Variants in ARAP2 observed in about 807,000 individuals in gnomAD.
ARAP2 encodes arf-GAP with Rho-GAP domain, ANK repeat and PH domain-containing protein 2.
Under a neutral mutation model 194.5 loss-of-function variants are expected in ARAP2, and 148 were observed. The ratio of observed to expected loss-of-function variants is 0.76; its 90% CI spans 0.67 to 0.87. The LOEUF (loss-of-function observed/expected upper bound fraction) is 0.87, where lower values mean the gene tolerates loss of function less well. ARAP2 is among the 40% of genes least tolerant of loss of function. The pLI is 0.00. For missense variants in ARAP2, 2,128 were observed against 1,989.7 expected (o/e 1.07, Z -1.32); for synonymous variants, 695 against 683.5 (o/e 1.02, Z -0.26).
Position 36,123,305 on chromosome 4 carries a change from A to G in ARAP2, c.3746+1557T>C, listed in dbSNP as rs73806475. 5.3e-3 allele frequency among the ~76,000 whole-genome samples: 807 copies of G among 151,742 alleles called. 11 individuals carry two copies. The highest frequency in any genetic ancestry group is 0.018 in the African/African-American group (761 of 41,450). ...AGAGGATATTACTGATGGAGGAAAT[A>G]CTCTTTTAGCTAGGGTAGGGATTGA... is the stretch of plus-strand genomic sequence containing the variant. On this transcript the variant is annotated intron_variant, in intron 22 of 32. Transcript: ENST00000303965.
chr4:36,154,550 T>C (rs1255273041), intron 15 of ARAP2, among the ~76,000 whole-genome samples: 1 of 152,136 alleles, frequency 6.6e-6, no homozygotes, highest in Non-Finnish European at 1.5e-5. Context: ...AGGATGCTAT[T>C]ATTCAACTGT....
intron 28 of ARAP2, among the ~76,000 whole-genome samples, chr4:36,090,138 T>A (rs977743018): frequency 6.6e-6 from 1 of 152,012 alleles, no homozygotes; most frequent in African/African-American, 2.4e-5. Context: ...CCTCTATGCA[T>A]ATAAACTAGA....
intron 13 of ARAP2, chr4:36,160,013 G>A (rs749028799): frequency 4.0e-5 from 35 of 881,730 alleles, no homozygotes; most frequent in Admixed American, 1.9e-4. Flanking sequence ...GAAGGAGGAA[G>A]AACAGTGAGA....
intron 6 of ARAP2, among the ~76,000 whole-genome samples, chr4:36,017,154 A>C (rs946690197): frequency 4.0e-5 from 6 of 151,538 alleles, no homozygotes; most frequent in African/African-American, 9.7e-5. Flanking sequence ...CTCATATTCA[A>C]ATATATATAT....
intron 32 of ARAP2, 73 bp downstream of exon 32, chr4:36,073,616 T>C (rs2109318464): frequency 1.3e-6 from 2 of 1,500,054 alleles, no homozygotes; most frequent in South Asian, 1.3e-5. Context: ...AAGTAATTAA[T>C]GACCTAATCA....
Position 36,123,414 on chromosome 4 carries a change from C to A in ARAP2, c.3746+1448G>T, listed in dbSNP as rs368655869. On this transcript the variant is annotated intron_variant, in intron 22 of 32. Coordinates refer to ENST00000303965, the MANE Select transcript of ARAP2 (RefSeq NM_015230.4). The stretch of plus-strand genomic sequence containing the variant: ...TATCTTTAAGGACATTCCTGCATTT[C>A]TTGGGACTTCCTTCTGCAGTATCAT... Among the ~76,000 whole-genome samples the A allele has an allele frequency of 2.2e-4, 33 of 151,900 alleles. 1 individual carries two copies. The East Asian group carries it at 5.3e-3, about 24-fold the overall frequency.
chr4:36,190,043 T>C (rs2109903397), intron 7 of ARAP2, among the ~76,000 whole-genome samples: 1 of 152,322 alleles, frequency 6.6e-6, no homozygotes, highest in East Asian at 1.9e-4. Context: ...TACTGTCACA[T>C]TGGTTTTCTT....
At chr4:36,095,423 T>C (rs2109403178) in intron 27 of ARAP2, among the ~76,000 whole-genome samples, 1 of 152,290 alleles carries the variant, frequency 6.6e-6, no homozygotes, top group Middle Eastern at 3.4e-3. Context: ...AGAATTATAA[T>C]GACCTGCCCA....
At chr4:36,152,310 T>C (rs1295653450) in intron 15 of ARAP2, among the ~76,000 whole-genome samples, 3 of 152,136 alleles carry the variant, frequency 2.0e-5, no homozygotes, top group Non-Finnish European at 4.4e-5. Flanking sequence ...TGAGTCACAG[T>C]GTATGTCCTG....
At position 36,194,119 on chromosome 4, in the gene ARAP2, T is replaced by C. The variant is rs546540324; in HGVS notation, c.1488-472A>G. On this transcript the variant is annotated intron_variant, in intron 6 of 32. Coordinates refer to ENST00000303965, the MANE Select transcript of ARAP2 (RefSeq NM_015230.4). ...CATGGAAAACATATTGAATTTTGATTAAGCTGAAAAAGACCTGAACAAATA... is the reference window on the plus strand; with the variant it reads ...CATGGAAAACATATTGAATTTTGATCAAGCTGAAAAAGACCTGAACAAATA... Among the ~76,000 whole-genome samples the C allele has an allele frequency of 1.8e-4, 27 of 152,324 alleles. 1 individual carries two copies. Among genetic ancestry groups the C allele is most frequent in the African/African-American group, 6.5e-4 (27 of 41,580 alleles).
At position 36,133,530 on chromosome 4, in the gene ARAP2, A is replaced by T; in HGVS notation, c.3264-141T>A. ...CTCATCCACCACGAGCTTCCACTCA[A>T]TCCCTCTTTTGCCTGCATAGTCACA... On this transcript the variant is annotated intron_variant, in intron 19 of 32. Coordinates refer to ENST00000303965, the MANE Select transcript of ARAP2 (RefSeq NM_015230.4). 1.2e-5 allele frequency: 9 copies of T among 726,230 alleles called. No homozygotes were observed. The South Asian group carries it at 1.7e-4, about 14-fold the overall frequency. The allele number at this position is 726,230 out of a possible 1,614,324, so 45.0% of individuals were successfully genotyped here. A position where few individuals can be genotyped will look rare whatever the true frequency, so the allele number is the denominator to read the frequency against.
intron 9 of ARAP2, among the ~76,000 whole-genome samples, chr4:36,173,314 A>G (rs1737067215): frequency 6.6e-6 from 1 of 152,198 alleles, no homozygotes; most frequent in African/African-American, 2.4e-5. Context: ...AAGAATTCAT[A>G]TATTTAAATA....
chr4:36,069,537 A>C (rs1276161276), intron 32 of ARAP2, among the ~76,000 whole-genome samples: 1 of 152,132 alleles, frequency 6.6e-6, no homozygotes, highest in Non-Finnish European at 1.5e-5. Context: ...TTATAAACAA[A>C]CTTTAATCTT....
chr4:36,018,026 T>G (rs1716188961), intron 6 of ARAP2, among the ~76,000 whole-genome samples: 2 of 152,212 alleles, frequency 1.3e-5, no homozygotes, highest in African/African-American at 4.8e-5. Context: ...ATGTATTTAC[T>G]GTACTTTTAT....
intron 32 of ARAP2, among the ~76,000 whole-genome samples, chr4:36,068,810 T>A (rs1577724392): frequency 6.6e-6 from 1 of 152,380 alleles, no homozygotes; most frequent in African/African-American, 2.4e-5. Flanking sequence ...ACGCCTTTTT[T>A]ATTTTATGTA....
Position 36,171,452 on chromosome 4 carries a change from T to C in ARAP2, c.1858-4405A>G, listed in dbSNP as rs1259319732. On this transcript the variant is annotated intron_variant, in intron 9 of 32. Transcript: ENST00000303965. The stretch of plus-strand genomic sequence containing the variant: ...ACCAAACACCACATGTTCTCACTCA[T>C]AGGTGGGAAATGAACAATGAGAACA... Among the ~76,000 whole-genome samples the C allele has an allele frequency of 4.6e-5, 7 of 150,572 alleles. No homozygotes were observed. In the South Asian group the frequency reaches 1.3e-3, roughly 27 times the overall value.
intron 9 of ARAP2, among the ~76,000 whole-genome samples, chr4:36,008,706 GT>G (rs1291076734): frequency 3.9e-4 from 60 of 152,004 alleles, no homozygotes; most frequent in African/African-American, 1.4e-3. Flanking sequence ...ATGACAGGAT[GT>G]AATTAAAGAG....
At chr4:36,045,035 T>G (rs1269769554) in intron 5 of ARAP2, among the ~76,000 whole-genome samples, 1 of 152,066 alleles carries the variant, frequency 6.6e-6, no homozygotes, top group African/African-American at 2.4e-5. Flanking sequence ...ATGGCTATCA[T>G]AAAAAAGATG....
intron 28 of ARAP2, 144 bp from the exon 29 acceptor site, chr4:36,083,594 C>G (rs1730120571): frequency 3.3e-6 from 2 of 609,690 alleles, no homozygotes; most frequent in South Asian, 4.3e-5. Flanking sequence ...TAAATGAAGA[C>G]TCTTTGGATT....
Sources: gnomAD v4.1 joint callset for allele counts (sites outside exome capture counted in the v4.1 genomes callset) on GRCh38, gnomAD v4.1.1 for gene constraint, MANE v1.5 for transcripts, NCBI Gene and HGNC (gene_info 2026-07-23, HGNC 2026-07-21) for gene names.